The following PPARGC1A variants were observed in gnomAD, a reference collection of about 807,000 sequenced individuals.
The protein encoded by PPARGC1A is PPARG coactivator 1 alpha.
PPARGC1A carries 25 observed loss-of-function variants against 88.7 expected under a neutral mutation model. That is an observed-to-expected ratio of 0.28 (90% CI 0.21 to 0.39). PPARGC1A has a LOEUF of 0.39. Among genes scored for constraint, PPARGC1A ranks in the 10% least tolerant of loss-of-function variants. The probability of loss-of-function intolerance (pLI) is 1.00; values close to 1 mark genes in which losing one functional copy is unlikely to be tolerated. For synonymous variants in PPARGC1A, 363 were observed against 355.6 expected (o/e 1.02, Z -0.24); for missense variants, 880 against 968.7 (o/e 0.91, Z 1.22).
chr4:24,036,895 GAAC>G, the PPARGC1A span, among the ~76,000 whole-genome samples: 2 of 152,158 alleles, frequency 1.3e-5, no homozygotes, highest in African/African-American at 4.8e-5. Flanking sequence ...CCAGTACTTA[GAAC>G]AACGTCAGGT....
At position 23,794,798 on chromosome 4, in the gene PPARGC1A, A is replaced by G. The variant is rs1717213313; in HGVS notation, c.*1024T>C. 1 of 152,564 alleles carries G rather than the reference A, an allele frequency of 6.6e-6. No individual in the cohort carries two copies. The highest frequency in any genetic ancestry group is 2.1e-4 in the South Asian group (1 of 4,826). 9.5% of individuals were successfully genotyped at this position (152,564 alleles called of 1,614,324 possible). ...TACACTATCTGAACACATCTCAGAG[A>G]GTTCTACCCAACTCTCATTAGTAAT... On this transcript the variant is annotated 3_prime_UTR_variant, in exon 13 of 13. Transcript: ENST00000264867.
chr4:24,125,453 T>C, the PPARGC1A span, among the ~76,000 whole-genome samples: 1 of 152,134 alleles, frequency 6.6e-6, no homozygotes, highest in Non-Finnish European at 1.5e-5. Flanking sequence ...AAGCTGCTGC[T>C]GTTAGTCTCA....
intron 2 of PPARGC1A, chr4:23,882,276 A>G (rs1716092429): frequency 6.6e-6 from 1 of 152,202 alleles, no homozygotes; most frequent in African/African-American, 2.4e-5. Flanking sequence ...GCATCCCGAT[A>G]TCGTTATACG....
At chr4:23,884,624 T>C (rs2148833067) in intron 2 of PPARGC1A, 128 bp downstream of exon 2, 1 of 724,304 alleles carries the variant, frequency 1.4e-6, no homozygotes, top group Non-Finnish European at 2.1e-6. Flanking sequence ...AGAAAGTATG[T>C]AACTGTGATG....
At chr4:23,932,853 CA>C in the PPARGC1A span, among the ~76,000 whole-genome samples, 1 of 152,114 alleles carries the variant, frequency 6.6e-6, no homozygotes. Flanking sequence ...AATTCCATAG[CA>C]ATTTGCTCAG....
intron 10 of PPARGC1A, among the ~76,000 whole-genome samples, chr4:23,812,458 G>GA (rs1351811427): frequency 4.6e-5 from 7 of 150,864 alleles, no homozygotes; most frequent in African/African-American, 4.9e-5. Flanking sequence ...ATATCTGACT[G>GA]AAAAAAAAAT....
the PPARGC1A span, among the ~76,000 whole-genome samples, chr4:24,095,801 T>A: frequency 1.3e-5 from 2 of 152,254 alleles, no homozygotes; most frequent in South Asian, 4.2e-4. Context: ...AGGGTAGGAA[T>A]GCTGTGTGGT....
At chr4:23,977,530 G>T in the PPARGC1A span, among the ~76,000 whole-genome samples, 2 of 152,102 alleles carry the variant, frequency 1.3e-5, no homozygotes. Flanking sequence ...AAAAATTTGT[G>T]TCTAATAAAT....
chr4:24,169,250 A>C, the PPARGC1A span, among the ~76,000 whole-genome samples: 1 of 152,192 alleles, frequency 6.6e-6, no homozygotes, highest in East Asian at 1.9e-4. Context: ...CAAGTCCGTG[A>C]AAAACAAAGA....
rs768243239 is a variant in PPARGC1A, at chr4:23,814,623, A to C, written c.878-18T>G. The C allele has an allele frequency of 1.6e-5, 22 of 1,417,648 alleles. No homozygotes were observed. Among genetic ancestry groups the C allele is most frequent in the Non-Finnish European group, 1.6e-5 (17 of 1,062,994 alleles). 87.8% of individuals were successfully genotyped at this position (1,417,648 alleles called of 1,614,324 possible). A position where few individuals can be genotyped will look rare whatever the true frequency, so the allele number is the denominator to read the frequency against. ...AGTTAGGCCTAAGGCAAAAATTAAA[A>C]AAAAAAAAAAAAAGAGAGAGAAAGA... is the stretch of plus-strand genomic sequence containing the variant. On this transcript the variant is annotated intron_variant, in intron 7 of 12. Transcript: ENST00000264867.
the PPARGC1A span, among the ~76,000 whole-genome samples, chr4:24,234,363 G>GA: frequency 6.6e-6 from 1 of 152,054 alleles, no homozygotes; most frequent in Admixed American, 6.6e-5. Flanking sequence ...TTAGCTTCAG[G>GA]AAAAAATACT....
chr4:23,940,774 G>C, the PPARGC1A span, among the ~76,000 whole-genome samples: 15 of 152,180 alleles, frequency 9.9e-5, no homozygotes, highest in African/African-American at 3.6e-4. Context: ...GCCTCACAAA[G>C]AGTCAGTGTG....
chr4:24,370,048 A>G, the PPARGC1A span, among the ~76,000 whole-genome samples: 1 of 152,084 alleles, frequency 6.6e-6, no homozygotes, highest in Non-Finnish European at 1.5e-5. Context: ...AAGACTTAAG[A>G]CTCTTTTAAC....
chr4:24,415,941 G>C, the PPARGC1A span, among the ~76,000 whole-genome samples: 1 of 152,176 alleles, frequency 6.6e-6, no homozygotes, highest in Non-Finnish European at 1.5e-5. Context: ...AAAATGTACA[G>C]TGGGACATAA....
At chr4:23,897,785 G>C (rs534428941) in intron 1 of PPARGC1A, among the ~76,000 whole-genome samples, 1 of 152,228 alleles carries the variant, frequency 6.6e-6, no homozygotes, top group South Asian at 2.1e-4. Context: ...GCTCTGAGAA[G>C]ATCAGCTTCT....
chr4:24,357,213 A>C, the PPARGC1A span, among the ~76,000 whole-genome samples: 1 of 152,128 alleles, frequency 6.6e-6, no homozygotes, highest in African/African-American at 2.4e-5. Context: ...ATCCAAATAC[A>C]TTTGCACCCA....
the PPARGC1A span, among the ~76,000 whole-genome samples, chr4:24,110,391 T>C: frequency 6.6e-6 from 1 of 152,176 alleles, no homozygotes; most frequent in Non-Finnish European, 1.5e-5. Flanking sequence ...ATACCTGAAT[T>C]GCAATACTAA....
intron 12 of PPARGC1A, among the ~76,000 whole-genome samples, chr4:23,798,584 CATT>C (rs1718062853): frequency 6.6e-6 from 1 of 152,010 alleles, no homozygotes; most frequent in South Asian, 2.1e-4. Flanking sequence ...ATGTATGTGT[CATT>C]TATTTTTTTA....
the PPARGC1A span, among the ~76,000 whole-genome samples, chr4:24,034,899 A>C: frequency 6.6e-6 from 1 of 150,836 alleles, no homozygotes; most frequent in Non-Finnish European, 1.5e-5. Flanking sequence ...GCATCTGGAC[A>C]ATATGGAAAA....
Sources: gnomAD v4.1 joint callset for allele counts (sites outside exome capture counted in the v4.1 genomes callset) on GRCh38, gnomAD v4.1.1 for gene constraint, MANE v1.5 for transcripts, NCBI Gene and HGNC (gene_info 2026-07-23, HGNC 2026-07-21) for gene names.